ANKS1B: variants seen among roughly 807,000 people sequenced by gnomAD.
The protein encoded by ANKS1B is ankyrin repeat and sterile alpha motif domain-containing protein 1B.
A neutral mutation model predicts 148.3 loss-of-function variants in ANKS1B; 36 were observed. That is an observed-to-expected ratio of 0.24 (90% CI 0.19 to 0.32). The LOEUF (loss-of-function observed/expected upper bound fraction) is 0.32, where lower values mean the gene tolerates loss of function less well. Among genes scored for constraint, ANKS1B ranks in the 10% least tolerant of loss-of-function variants. The pLI is 1.00. For synonymous variants in ANKS1B, 542 were observed against 560.8 expected (o/e 0.97, Z 0.47); for missense variants, 1,157 against 1,542.6 (o/e 0.75, Z 4.19).
intron 8 of ANKS1B, among the ~76,000 whole-genome samples, chr12:99,748,911 A>T (rs1207870164): frequency 6.6e-6 from 1 of 152,114 alleles, no homozygotes; most frequent in Non-Finnish European, 1.5e-5. Flanking sequence ...ATTCTGTCCT[A>T]CTGAATTAAC....
chr12:99,691,028 C>T (rs754484296), intron 8 of ANKS1B, among the ~76,000 whole-genome samples: 7 of 152,216 alleles, frequency 4.6e-5, no homozygotes, highest in Admixed American at 1.3e-4. Context: ...GACTTCTGTG[C>T]ACCCATAGGC....
chr12:99,130,180 C>T (rs2065700567), intron 15 of ANKS1B, among the ~76,000 whole-genome samples: 1 of 152,148 alleles, frequency 6.6e-6, no homozygotes, highest in Admixed American at 6.5e-5. Flanking sequence ...TTGCCATTTG[C>T]TTAATAACTT....
intron 12 of ANKS1B, among the ~76,000 whole-genome samples, chr12:99,396,536 G>GT (rs1020778693): frequency 6.6e-6 from 1 of 152,138 alleles, no homozygotes; most frequent in African/African-American, 2.4e-5. Context: ...CATTTCAACT[G>GT]TTAAAAGGTT....
intron 26 of ANKS1B, 23 bp from the exon 27 acceptor site, chr12:98,745,872 C>A (rs2097870793): frequency 1.3e-6 from 2 of 1,598,468 alleles, no homozygotes; most frequent in African/African-American, 1.4e-5. Flanking sequence ...AAGGCTGATG[C>A]CTGTTATACG....
Position 98,751,345 on chromosome 12 carries a change from T to C in ANKS1B, c.3747+10A>G. On this transcript the variant is annotated intron_variant, in intron 26 of 26. Transcript: ENST00000683438. The surrounding 1 kb of genome is among the most constrained non-coding windows in gnomAD (Gnocchi z 4.3). ...AGGTTTTTTAGAACATCTGTATCGT[T>C]TCTACTTACCACGGACTTGCGAATG... 6.2e-7 allele frequency: 1 copy of C among 1,613,160 alleles called. No homozygotes were observed. The highest frequency in any genetic ancestry group is 2.2e-5 in the East Asian group (1 of 44,888).
At chr12:99,250,935 G>T (rs2074505104) in intron 12 of ANKS1B, among the ~76,000 whole-genome samples, 1 of 152,128 alleles carries the variant, frequency 6.6e-6, no homozygotes, top group Non-Finnish European at 1.5e-5. Flanking sequence ...AGGCCTAGAG[G>T]CTGAGTAGTC....
At chr12:99,956,781 C>T (rs1174916034) in intron 1 of ANKS1B, among the ~76,000 whole-genome samples, 1 of 152,158 alleles carries the variant, frequency 6.6e-6, no homozygotes. Context: ...AGGCAGGGCT[C>T]CCAAGAAGAG....
At chr12:99,659,917 ACTAGAACTCTT>A (rs956358669) in intron 8 of ANKS1B, among the ~76,000 whole-genome samples, 1 of 152,152 alleles carries the variant, frequency 6.6e-6, no homozygotes, top group African/African-American at 2.4e-5. Flanking sequence ...CTCCTTAATT[ACTAGAACTCTT>A]CAAGGGGACA....
chr12:98,979,664 T>C (rs1264174843), intron 17 of ANKS1B, among the ~76,000 whole-genome samples: 2 of 107,274 alleles, frequency 1.9e-5, no homozygotes, highest in East Asian at 2.1e-4. Context: ...TGGATGCTTT[T>C]AGATTTTTTT....
chr12:99,716,437 C>T (rs150544433), intron 8 of ANKS1B, among the ~76,000 whole-genome samples: 3 of 151,962 alleles, frequency 2.0e-5, no homozygotes, highest in Non-Finnish European at 4.4e-5. Flanking sequence ...TATGGGCAAC[C>T]TTCCACCCTC....
intron 8 of ANKS1B, among the ~76,000 whole-genome samples, 165 bp from the exon 9 acceptor site, chr12:99,655,375 A>G (rs1471462246): frequency 1.3e-5 from 2 of 152,202 alleles, no homozygotes; most frequent in African/African-American, 2.4e-5. Flanking sequence ...AAAAATATGT[A>G]TAGTCCAACT....
chr12:99,754,672 T>C (rs764890664), intron 8 of ANKS1B, among the ~76,000 whole-genome samples: 1 of 152,092 alleles, frequency 6.6e-6, no homozygotes, highest in Non-Finnish European at 1.5e-5. Context: ...TGCAATTAAA[T>C]TGGAAATCAA....
At chr12:98,741,527 G>C (rs148320258), downstream of ANKS1B, among the ~76,000 whole-genome samples, 1 of 152,188 alleles carries the variant, frequency 6.6e-6, no homozygotes, top group East Asian at 1.9e-4. Flanking sequence ...TTTCTGCCTG[G>C]CAACAATCAG....
chr12:99,754,024 AAAAAT>A (rs576080568), intron 8 of ANKS1B, among the ~76,000 whole-genome samples: 1 of 152,016 alleles, frequency 6.6e-6, no homozygotes, highest in African/African-American at 2.4e-5. Flanking sequence ...ACTCCATCTC[AAAAAT>A]AAAATAAAAT....
chr12:99,499,563 T>C lies in ANKS1B; in HGVS notation c.1438+4913A>G, dbSNP rs142131281. Among the ~76,000 whole-genome samples, 99 of 152,310 alleles carry C rather than the reference T, an allele frequency of 6.5e-4. No homozygotes were observed. In the East Asian group the frequency reaches 0.014, roughly 22 times the overall value. On this transcript the variant is annotated intron_variant, in intron 10 of 26. Coordinates refer to ENST00000683438, the MANE Select transcript of ANKS1B (RefSeq NM_001352186.2). ...ACTTAAATGTAGGCAGGCTTTTGAC[T>C]ACAATGGAAGTGATGTTGCCTTCTG...
chr12:99,555,527 G>C (rs1201030963), intron 9 of ANKS1B, among the ~76,000 whole-genome samples: 2 of 152,102 alleles, frequency 1.3e-5, no homozygotes, highest in Non-Finnish European at 2.9e-5. Flanking sequence ...AGTTCTCAAG[G>C]GTTATGCTTC....
intron 10 of ANKS1B, among the ~76,000 whole-genome samples, chr12:99,454,322 A>G (rs1370231116): frequency 6.6e-6 from 1 of 152,224 alleles, no homozygotes; most frequent in Non-Finnish European, 1.5e-5. Context: ...TTCATCTATA[A>G]AAAGAACAGA....
At chr12:99,816,166 T>C (rs1438055191) in intron 2 of ANKS1B, among the ~76,000 whole-genome samples, 1 of 151,884 alleles carries the variant, frequency 6.6e-6, no homozygotes, top group East Asian at 1.9e-4. Flanking sequence ...TTTTTTACTT[T>C]TTAATTATGG....
At chr12:99,150,158 A>C (rs1228269530) in intron 15 of ANKS1B, among the ~76,000 whole-genome samples, 1 of 152,180 alleles carries the variant, frequency 6.6e-6, no homozygotes, top group African/African-American at 2.4e-5. Context: ...TTCCAGTTTA[A>C]AAATGAGACT....
Sources: allele counts gnomAD v4.1 joint callset (sites outside exome capture counted in the v4.1 genomes callset), GRCh38; gene constraint gnomAD v4.1.1; non-coding constraint Gnocchi (gnomAD v3.1); transcripts MANE v1.5; gene names NCBI Gene and HGNC (gene_info 2026-07-23, HGNC 2026-07-21).